The following LYRM4 variants were observed in gnomAD, a reference collection of about 807,000 sequenced individuals.
LYRM4 encodes the protein LYR motif containing 4, also known as LYR motif-containing protein 4.
Under a neutral mutation model 11.7 loss-of-function variants are expected in LYRM4, and 9 were observed. The observed-to-expected ratio is 0.77, with a 90% CI of 0.46 to 1.34. The LOEUF is 1.34. LYRM4 is among the 40% of genes most tolerant of loss of function. The probability of loss-of-function intolerance (pLI) is 0.00; values close to 1 mark genes in which losing one functional copy is unlikely to be tolerated. For synonymous variants in LYRM4, 42 were observed against 40.4 expected, an observed-to-expected ratio of 1.04 and a Z score of -0.15; for missense variants, 133 against 112.5, an observed-to-expected ratio of 1.18 and a Z score of -0.82.
In LYRM4 at chr6:5,187,524, G is replaced by T. The variant is rs574428339; in HGVS notation, c.207+29094C>A. On this transcript the variant is annotated intron_variant, in intron 2 of 2. Coordinates refer to ENST00000330636, the MANE Select transcript of LYRM4 (RefSeq NM_020408.6). ...AATGACAGAAAACCAAACACCGCATGTTCTTACTCACAGGTGGGAACTGAA... is the reference window on the plus strand; with the variant it reads ...AATGACAGAAAACCAAACACCGCATTTTCTTACTCACAGGTGGGAACTGAA... Among the ~76,000 whole-genome samples the T allele has an allele frequency of 6.6e-5, 10 of 152,020 alleles. No homozygotes were observed. The South Asian group carries it at 2.1e-3, about 32-fold the overall frequency.
intron 2 of LYRM4, among the ~76,000 whole-genome samples, chr6:5,135,916 C>G (rs1262615553): frequency 6.6e-6 from 1 of 152,202 alleles, no homozygotes; most frequent in Non-Finnish European, 1.5e-5. Context: ...ACTCTCCATT[C>G]TCCCTCCCCT....
intron 2 of LYRM4, among the ~76,000 whole-genome samples, chr6:5,205,915 C>T (rs1761668447): frequency 6.6e-6 from 1 of 152,206 alleles, no homozygotes; most frequent in African/African-American, 2.4e-5. Flanking sequence ...ACACTCCTGC[C>T]ATTGCTGGGT....
At chr6:5,259,674 T>C (rs913548323) in intron 1 of LYRM4, among the ~76,000 whole-genome samples, 5 of 152,348 alleles carry the variant, frequency 3.3e-5, no homozygotes, top group East Asian at 1.9e-4. Context: ...TCTGCTCTTA[T>C]GACATCCAAT....
intron 2 of LYRM4, among the ~76,000 whole-genome samples, chr6:5,147,095 T>C (rs922286576): frequency 1.3e-5 from 2 of 152,176 alleles, no homozygotes; most frequent in Non-Finnish European, 2.9e-5. Flanking sequence ...AGGCCATTGG[T>C]ATTACTTGAG....
At chr6:5,063,975 C>T in the LYRM4 span, among the ~76,000 whole-genome samples, 1 of 152,186 alleles carries the variant, frequency 6.6e-6, no homozygotes, top group African/African-American at 2.4e-5. Flanking sequence ...GTGGGAGCTG[C>T]CTGTCTTGTG....
At chr6:5,045,679 C>T in the LYRM4 span, among the ~76,000 whole-genome samples, 62 of 152,312 alleles carry the variant, frequency 4.1e-4, no homozygotes, top group South Asian at 1.0e-3. Flanking sequence ...TTCCTCTCCC[C>T]GTCTGCTTCT....
chr6:5,243,278 G>A (rs1288267004), intron 1 of LYRM4, among the ~76,000 whole-genome samples: 10 of 152,204 alleles, frequency 6.6e-5, no homozygotes, highest in East Asian at 1.9e-4. Flanking sequence ...TGCCCGGGGC[G>A]CACAGCGTGC....
chr6:5,198,369 G>A (rs570715202), intron 2 of LYRM4, among the ~76,000 whole-genome samples: 1 of 152,312 alleles, frequency 6.6e-6, no homozygotes, highest in Non-Finnish European at 1.5e-5. Flanking sequence ...GCAGCATCAG[G>A]TTTGTCAAGA....
intron 2 of LYRM4, among the ~76,000 whole-genome samples, chr6:5,211,465 A>C (rs9405809): frequency 0.23 from 35,092 of 152,188 alleles, 4,434 homozygotes; most frequent in Admixed American, 0.28. Flanking sequence ...GTAAGCTAAG[A>C]AACACTGAAA....
At chr6:5,242,074 C>CTT (rs879606834) in intron 1 of LYRM4, among the ~76,000 whole-genome samples, 11 of 141,692 alleles carry the variant, frequency 7.8e-5, no homozygotes, top group Admixed American at 2.1e-4. Flanking sequence ...CTTGCTTACA[C>CTT]TTTTTTTTTT....
the LYRM4 span, among the ~76,000 whole-genome samples, chr6:5,091,996 G>A: frequency 1.3e-5 from 2 of 152,112 alleles, no homozygotes; most frequent in Admixed American, 1.3e-4. Context: ...CCACAGAGTC[G>A]ACAGCATACT....
downstream of LYRM4, chr6:5,103,381 G>C (rs10484846): frequency 0.18 from 27,656 of 152,080 alleles, 2,739 homozygotes; most frequent in African/African-American, 0.24. Flanking sequence ...ACATTCCAGA[G>C]ATCCAGGAAA....
chr6:5,182,036 A>G (rs977669087), intron 2 of LYRM4, among the ~76,000 whole-genome samples: 2 of 152,268 alleles, frequency 1.3e-5, no homozygotes, highest in East Asian at 3.9e-4. Flanking sequence ...CCCAATCCCC[A>G]GACATACTTT....
chr6:5,158,869 C>T (rs1758576530), intron 2 of LYRM4, among the ~76,000 whole-genome samples: 2 of 152,104 alleles, frequency 1.3e-5, no homozygotes, highest in Non-Finnish European at 2.9e-5. Flanking sequence ...CTGGAAGAAA[C>T]AAAGATTTCC....
chr6:5,163,219 C>G (rs1369649589), intron 2 of LYRM4, among the ~76,000 whole-genome samples: 1 of 152,192 alleles, frequency 6.6e-6, no homozygotes, highest in Non-Finnish European at 1.5e-5. Context: ...CCATTTAAAT[C>G]TACAATCCAT....
At chr6:5,098,623 G>A in the LYRM4 span, among the ~76,000 whole-genome samples, 1 of 152,150 alleles carries the variant, frequency 6.6e-6, no homozygotes, top group Non-Finnish European at 1.5e-5. Flanking sequence ...ATCTGTCATA[G>A]TCAAAAGCTG....
intron 2 of LYRM4, among the ~76,000 whole-genome samples, chr6:5,164,361 A>C (rs1162194875): frequency 6.6e-6 from 1 of 152,236 alleles, no homozygotes; most frequent in East Asian, 1.9e-4. Flanking sequence ...TGCTTTATTC[A>C]AACCATGAAA....
At chr6:5,199,641 C>A (rs1442391029) in intron 2 of LYRM4, among the ~76,000 whole-genome samples, 1 of 152,156 alleles carries the variant, frequency 6.6e-6, no homozygotes, top group African/African-American at 2.4e-5. Flanking sequence ...ACAGGCTGAA[C>A]CTTGAATGGC....
At chr6:5,057,619 G>A in the LYRM4 span, among the ~76,000 whole-genome samples, 1 of 151,884 alleles carries the variant, frequency 6.6e-6, no homozygotes, top group Non-Finnish European at 1.5e-5. Context: ...GGAGGCTGAG[G>A]CAGGGGAATC....
Sources: gnomAD v4.1 joint callset for allele counts (sites outside exome capture counted in the v4.1 genomes callset) on GRCh38, gnomAD v4.1.1 for gene constraint, MANE v1.5 for transcripts, NCBI Gene and HGNC (gene_info 2026-07-23, HGNC 2026-07-21) for gene names.